Variants in CFAP54 observed in about 807,000 individuals in gnomAD.
The protein encoded by CFAP54 is cilia- and flagella-associated protein 54.
Under a neutral mutation model 370.4 loss-of-function variants are expected in CFAP54, and 290 were observed. The ratio of observed to expected loss-of-function variants is 0.78; its 90% CI spans 0.71 to 0.86. The LOEUF (loss-of-function observed/expected upper bound fraction) is 0.86, where lower values mean the gene tolerates loss of function less well. Among genes scored for constraint, CFAP54 ranks in the 40% least tolerant of loss-of-function variants. The pLI, the probability that CFAP54 is intolerant of heterozygous loss-of-function variation, is 0.00. For missense variants in CFAP54, 3,399 were observed against 3,528.7 expected (o/e 0.96, Z 0.93); for synonymous variants, 1,206 against 1,236.5 (o/e 0.98, Z 0.52).
chr12:96,729,741 A>G (rs1276712413), intron 50 of CFAP54, among the ~76,000 whole-genome samples: 1 of 152,146 alleles, frequency 6.6e-6, no homozygotes, highest in Non-Finnish European at 1.5e-5. Flanking sequence ...TGAACCCGGT[A>G]CCTCAGATGG....
rs1956503580 is a variant in CFAP54 at position 96,622,148 on chromosome 12, C to T, written c.3771+427C>T. 2.0e-5 allele frequency among the ~76,000 whole-genome samples: 3 copies of T among 151,828 alleles called. No homozygotes were observed. The South Asian group carries it at 6.2e-4, about 31-fold the overall frequency. ...GTGTTCAAAGTAGATTTCTGAAACT[C>T]TTTGTGACACCCGTGTTCTCTTCTT... On this transcript the variant is annotated intron_variant, in intron 27 of 67. Transcript: ENST00000524981.
chr12:96,795,991 T>G (rs1958757536), intron 63 of CFAP54, among the ~76,000 whole-genome samples: 1 of 152,166 alleles, frequency 6.6e-6, no homozygotes, highest in South Asian at 2.1e-4. Context: ...CACCCTGTAT[T>G]TTGCTTGGCT....
chr12:96,766,706 G>A (rs747720986), intron 60 of CFAP54, among the ~76,000 whole-genome samples: 4 of 152,106 alleles, frequency 2.6e-5, no homozygotes, highest in Admixed American at 6.6e-5. Flanking sequence ...AATCTAAGAC[G>A]ATGACTGAAA....
chr12:96,867,551 G>T (rs1960036847), intron 67 of CFAP54, among the ~76,000 whole-genome samples: 2 of 152,296 alleles, frequency 1.3e-5, no homozygotes. Flanking sequence ...GGATGTGCGT[G>T]TATATGTAAT....
Position 96,837,494 on chromosome 12 carries a change from T to C in CFAP54, c.9171+8406T>C, listed in dbSNP as rs150214717. Among the ~76,000 whole-genome samples the C allele has an allele frequency of 4.6e-5, 7 of 152,346 alleles. No homozygotes were observed. The East Asian group carries it at 7.7e-4, about 17-fold the overall frequency. On this transcript the variant is annotated intron_variant, in intron 66 of 67. Transcript: ENST00000524981. ...ACTTAATAGTTTTTATCAAAATAAA[T>C]GTGTTATTATGATGTGCTTGCATAT...
At chr12:96,532,410 A>T (rs951426883) in intron 9 of CFAP54, among the ~76,000 whole-genome samples, 3 of 152,070 alleles carry the variant, frequency 2.0e-5, no homozygotes, top group South Asian at 2.1e-4. Flanking sequence ...AATGCAGGGA[A>T]CTTCTGGTGC....
intron 43 of CFAP54, 47 bp downstream of exon 43, chr12:96,689,029 A>G (rs371015668): frequency 5.9e-6 from 7 of 1,186,982 alleles, no homozygotes; most frequent in Non-Finnish European, 8.1e-6. Context: ...ACAACCATTC[A>G]TTGGATCAGT....
chr12:96,708,151 A>T (rs550879639), intron 47 of CFAP54, among the ~76,000 whole-genome samples: 142 of 152,142 alleles, frequency 9.3e-4, no homozygotes, highest in African/African-American at 3.3e-3. Flanking sequence ...TTGAGGGTGT[A>T]TATGGGAAGG....
intron 66 of CFAP54, among the ~76,000 whole-genome samples, chr12:96,839,735 A>T (rs910309758): frequency 6.6e-6 from 1 of 152,206 alleles, no homozygotes; most frequent in Admixed American, 6.5e-5. Context: ...GTTGGGGATG[A>T]TTCAACTGCT....
chr12:96,790,902 G>A (rs1172031406), intron 62 of CFAP54, among the ~76,000 whole-genome samples: 1 of 152,136 alleles, frequency 6.6e-6, no homozygotes, highest in African/African-American at 2.4e-5. Flanking sequence ...AACTTGAAAG[G>A]TCAGTGTTTT....
intron 48 of CFAP54, among the ~76,000 whole-genome samples, chr12:96,712,760 G>A (rs964656528): frequency 6.6e-6 from 1 of 152,060 alleles, no homozygotes; most frequent in Non-Finnish European, 1.5e-5. Context: ...TCACATATGA[G>A]TGAGAACAGG....
intron 67 of CFAP54, among the ~76,000 whole-genome samples, chr12:96,864,608 A>T (rs955995233): frequency 6.6e-6 from 1 of 152,150 alleles, no homozygotes; most frequent in African/African-American, 2.4e-5. Context: ...TTTGAGCAAC[A>T]TCATGCAAAT....
intron 26 of CFAP54, among the ~76,000 whole-genome samples, chr12:96,611,175 C>T (rs1956354410): frequency 2.0e-5 from 3 of 152,214 alleles, no homozygotes; most frequent in Non-Finnish European, 4.4e-5. Context: ...GCTGGGTACC[C>T]CTCTGAGACG....
intron 9 of CFAP54, among the ~76,000 whole-genome samples, chr12:96,529,928 G>T (rs183918238): frequency 6.6e-6 from 1 of 152,032 alleles, no homozygotes; most frequent in Non-Finnish European, 1.5e-5. Flanking sequence ...ATATATTCTC[G>T]TATGTTTTCT....
intron 1 of CFAP54, among the ~76,000 whole-genome samples, chr12:96,491,837 G>T (rs537920893): frequency 6.6e-6 from 1 of 152,270 alleles, no homozygotes. Context: ...TCAGCTTACT[G>T]CAACCTCTGC....
At chr12:96,695,262 C>T (rs73379234) in intron 45 of CFAP54, among the ~76,000 whole-genome samples, 2,918 of 152,296 alleles carry the variant, frequency 0.019, 105 homozygotes, top group African/African-American at 0.066. Flanking sequence ...ATACTCTCTG[C>T]GTTTTGTCCC....
At chr12:96,513,903 T>C (rs964950675) in intron 5 of CFAP54, among the ~76,000 whole-genome samples, 4 of 152,228 alleles carry the variant, frequency 2.6e-5, no homozygotes, top group African/African-American at 9.6e-5. Flanking sequence ...ACTTAAACTC[T>C]AACCCAGTTG....
chr12:96,531,184 A>G (rs531668123), intron 9 of CFAP54, among the ~76,000 whole-genome samples: 96 of 152,254 alleles, frequency 6.3e-4, no homozygotes, highest in African/African-American at 2.3e-3. Context: ...CTGAAATACA[A>G]ACTCTAAGAA....
intron 14 of CFAP54, among the ~76,000 whole-genome samples, chr12:96,545,913 A>G (rs1419466224): frequency 2.6e-5 from 4 of 152,196 alleles, no homozygotes; most frequent in East Asian, 1.9e-4. Context: ...TGGAAGCGCC[A>G]TGCCCCTTCC....
Sources: allele counts gnomAD v4.1 joint callset (sites outside exome capture counted in the v4.1 genomes callset), GRCh38; gene constraint gnomAD v4.1.1; transcripts MANE v1.5; gene names NCBI Gene and HGNC (gene_info 2026-07-23, HGNC 2026-07-21).